Variants in LGSN observed in about 807,000 individuals in gnomAD.
LGSN encodes the protein lengsin.
LGSN carries 21 observed loss-of-function variants against 19.5 expected under a neutral mutation model. That is an observed-to-expected ratio of 1.07 (90% CI 0.76 to 1.55). The LOEUF is 1.55. Among genes scored for constraint, LGSN ranks in the 40% most tolerant of loss-of-function variants. The pLI is 0.00. For synonymous variants in LGSN, 257 were observed against 215.6 expected, an observed-to-expected ratio of 1.19 and a Z score of -1.68; for missense variants, 673 against 608.5, an observed-to-expected ratio of 1.11 and a Z score of -1.12.
chr6:63,564,138 G>C, the LGSN span, among the ~76,000 whole-genome samples: 2 of 152,052 alleles, frequency 1.3e-5, no homozygotes, highest in Non-Finnish European at 2.9e-5. Context: ...AGCCGGGTGT[G>C]GTGGCAGGTG....
At chr6:63,359,799 G>A in the LGSN span, among the ~76,000 whole-genome samples, 21 of 152,042 alleles carry the variant, frequency 1.4e-4, no homozygotes, top group South Asian at 2.1e-4. Flanking sequence ...TGGATTCATT[G>A]ATTTTTTGAA....
chr6:63,390,086 C>T, the LGSN span, among the ~76,000 whole-genome samples: 1 of 144,554 alleles, frequency 6.9e-6, no homozygotes, highest in East Asian at 2.0e-4. Flanking sequence ...AATTCTACAG[C>T]TGAAGTATTT....
chr6:63,327,972 G>T, the LGSN span, among the ~76,000 whole-genome samples: 25 of 152,172 alleles, frequency 1.6e-4, no homozygotes, highest in African/African-American at 5.1e-4. Context: ...GGCATCCAGT[G>T]GGGGTTCCCA....
the LGSN span, among the ~76,000 whole-genome samples, chr6:63,409,981 G>C: frequency 5.3e-5 from 8 of 152,110 alleles, no homozygotes; most frequent in Admixed American, 4.6e-4. Context: ...AGGTTGCAGT[G>C]AGCCAAGATA....
the LGSN span, among the ~76,000 whole-genome samples, chr6:63,350,922 A>G: frequency 6.6e-6 from 1 of 152,130 alleles, no homozygotes. Context: ...TTATCCTAAT[A>G]AAAAAGAATT....
chr6:63,471,117 A>AT, the LGSN span, among the ~76,000 whole-genome samples: 1,393 of 141,698 alleles, frequency 9.8e-3, 6 homozygotes, highest in South Asian at 0.027. Context: ...TACTCGGCTA[A>AT]TTTTTTTTTT....
chr6:63,472,656 TCGGGC>T, the LGSN span, among the ~76,000 whole-genome samples: 1 of 152,010 alleles, frequency 6.6e-6, no homozygotes, highest in African/African-American at 2.4e-5. Flanking sequence ...TATGCCCAAT[TCGGGC>T]CGGGCGCGGT....
the LGSN span, among the ~76,000 whole-genome samples, chr6:63,525,051 A>G: frequency 6.6e-6 from 1 of 152,224 alleles, no homozygotes; most frequent in Non-Finnish European, 1.5e-5. Context: ...GCTTAGACAG[A>G]CTAGAGCAGC....
rs6913699 is a variant in LGSN, at chr6:63,293,460, C to T, written c.163+1453G>A. On this transcript the variant is annotated intron_variant, in intron 2 of 3. Coordinates refer to ENST00000370657, the MANE Select transcript of LGSN (RefSeq NM_016571.3). ...CAAGACATCTTCCATTGCAACCCCT[C>T]TATTTTCCAGATGAACAGCCTAAAG... is the stretch of plus-strand genomic sequence containing the variant. 2.9e-3 allele frequency among the ~76,000 whole-genome samples: 445 copies of T among 152,242 alleles called. 3 individuals carry two copies. The highest frequency in any genetic ancestry group is 0.01 in the African/African-American group (421 of 41,550).
chr6:63,366,251 C>T, the LGSN span, among the ~76,000 whole-genome samples: 24 of 152,186 alleles, frequency 1.6e-4, no homozygotes, highest in Non-Finnish European at 2.8e-4. Context: ...TCTCAGCATA[C>T]AAAATCAATG....
the LGSN span, among the ~76,000 whole-genome samples, chr6:63,562,743 T>C: frequency 2.0e-5 from 3 of 152,220 alleles, no homozygotes; most frequent in Non-Finnish European, 4.4e-5. Flanking sequence ...TACCTAAATA[T>C]ACAACTTTTA....
chr6:63,480,866 T>A, the LGSN span, among the ~76,000 whole-genome samples: 1 of 142,268 alleles, frequency 7.0e-6, no homozygotes. Flanking sequence ...TATAGCAACA[T>A]AATTACAATT....
At chr6:63,562,001 GAAA>G in the LGSN span, among the ~76,000 whole-genome samples, 2 of 150,914 alleles carry the variant, frequency 1.3e-5, no homozygotes, top group Non-Finnish European at 3.0e-5. Context: ...ATCATTTTTG[GAAA>G]AAAAATACAA....
At chr6:63,482,346 C>T in the LGSN span, among the ~76,000 whole-genome samples, 1 of 152,178 alleles carries the variant, frequency 6.6e-6, no homozygotes, top group South Asian at 2.1e-4. Context: ...CTTCTTTCCA[C>T]TTGGATCCCT....
upstream of LGSN, among the ~76,000 whole-genome samples, chr6:63,323,773 CTTTTTTT>C (rs150256951): frequency 2.4e-5 from 3 of 126,274 alleles, no homozygotes; most frequent in Non-Finnish European, 5.1e-5. Flanking sequence ...TTTTTGCATT[CTTTTTTT>C]TTTTTTTTTT....
At chr6:63,447,476 G>T in the LGSN span, among the ~76,000 whole-genome samples, 28 of 152,196 alleles carry the variant, frequency 1.8e-4, no homozygotes, top group Non-Finnish European at 1.5e-5. Context: ...GGATTAACTT[G>T]GGATTTTTAA....
At chr6:63,472,330 C>T in the LGSN span, among the ~76,000 whole-genome samples, 5 of 151,984 alleles carry the variant, frequency 3.3e-5, no homozygotes, top group African/African-American at 1.2e-4. Context: ...TTCCGAAATT[C>T]CTTTAAAGGT....
Position 63,279,921 on chromosome 6 carries a change from AT to A in LGSN, c.*99del. 9.0e-7 allele frequency: 1 copy of A among 1,114,622 alleles called. No individual in the cohort carries two copies. Among genetic ancestry groups the A allele is most frequent in the Non-Finnish European group, 1.3e-6 (1 of 776,544 alleles). The allele number at this position is 1,114,622 out of a possible 1,614,324, so 69.0% of individuals were successfully genotyped here. A position where few individuals can be genotyped will look rare whatever the true frequency, so the allele number is the denominator to read the frequency against. On this transcript the variant is annotated 3_prime_UTR_variant, in exon 4 of 4. Coordinates refer to ENST00000370657, the MANE Select transcript of LGSN (RefSeq NM_016571.3). ...AGTCAAAAGCATTCGTAATCTTGTT[AT>A]TGTTGCTGTTGTTAATTACAAAAGT...
chr6:63,307,584 T>C (rs1768442584), intron 1 of LGSN, among the ~76,000 whole-genome samples: 1 of 152,252 alleles, frequency 6.6e-6, no homozygotes, highest in Admixed American at 6.5e-5. Flanking sequence ...AGCCACTGTT[T>C]ACCAATCAGT....
Sources: allele counts gnomAD v4.1 joint callset (sites outside exome capture counted in the v4.1 genomes callset), GRCh38; gene constraint gnomAD v4.1.1; transcripts MANE v1.5; gene names NCBI Gene and HGNC (gene_info 2026-07-23, HGNC 2026-07-21).